Variants in TTC7A observed in about 807,000 individuals in gnomAD.
TTC7A encodes the protein tetratricopeptide repeat protein 7A.
Under a neutral mutation model 103.7 loss-of-function variants are expected in TTC7A, and 110 were observed. The ratio of observed to expected loss-of-function variants is 1.06; its 90% CI spans 0.91 to 1.24. The LOEUF is 1.24. Among genes scored for constraint, TTC7A ranks in the 50% most tolerant of loss-of-function variants. TTC7A has a pLI of 0.00. For synonymous variants in TTC7A, 521 were observed against 467.9 expected (o/e 1.11, Z -1.47); for missense variants, 1,340 against 1,116.3 (o/e 1.20, Z -2.86).
chr2:46,942,247 G>A (rs781093132), intron 1 of TTC7A, among the ~76,000 whole-genome samples: 2 of 152,142 alleles, frequency 1.3e-5, no homozygotes, highest in African/African-American at 2.4e-5. Context: ...TGGCGATCTC[G>A]GGACACATCC....
At chr2:46,926,332 G>A (rs1669382263) in intron 2 of TTC7A, among the ~76,000 whole-genome samples, 1 of 152,180 alleles carries the variant, frequency 6.6e-6, no homozygotes, top group Non-Finnish European at 1.5e-5. Flanking sequence ...ATCGGAGTAA[G>A]TGATGCTCCC....
At chr2:46,959,072 G>A (rs1488043967) in intron 3 of TTC7A, among the ~76,000 whole-genome samples, 1 of 152,226 alleles carries the variant, frequency 6.6e-6, no homozygotes, top group Non-Finnish European at 1.5e-5. Context: ...GATCTCACAG[G>A]AAGTGGCAGA....
intron 1 of TTC7A, among the ~76,000 whole-genome samples, chr2:46,946,623 T>C (rs899422172): frequency 1.3e-5 from 2 of 152,134 alleles, no homozygotes; most frequent in South Asian, 2.1e-4. Context: ...AGTCTCACTA[T>C]GTTGACCAGG....
chr2:47,005,590 G>A (rs949647268), intron 8 of TTC7A, among the ~76,000 whole-genome samples: 12 of 152,002 alleles, frequency 7.9e-5, no homozygotes, highest in Non-Finnish European at 1.5e-4. Context: ...ATAGAGAGAG[G>A]AACATTGAGG....
At chr2:47,032,395 T>C (rs1572970265) in intron 15 of TTC7A, among the ~76,000 whole-genome samples, 1 of 152,170 alleles carries the variant, frequency 6.6e-6, no homozygotes, top group Non-Finnish European at 1.5e-5. Context: ...AGGAGCTTCC[T>C]GGAGAGCAGT....
rs575062262 is a variant in TTC7A, at chr2:46,941,394, CGCCGCCCGGGCCCCCGCT to C, written c.-133_-116del. 51,728 of 710,522 alleles carry C rather than the reference CGCCGCCCGGGCCCCCGCT, an allele frequency of 0.073. 2,239 individuals are homozygous for C. Among genetic ancestry groups the C allele is most frequent in the African/African-American group, 0.1 (5,429 of 53,402 alleles). 44.0% of individuals were successfully genotyped at this position (710,522 alleles called of 1,614,324 possible). A position where few individuals can be genotyped will look rare whatever the true frequency, so the allele number is the denominator to read the frequency against. On this transcript the variant is annotated 5_prime_UTR_variant, in exon 1 of 20. Coordinates refer to ENST00000319190, the MANE Select transcript of TTC7A (RefSeq NM_020458.4). This position sits in a 1 kb window ranked among gnomAD's most constrained non-coding sequence, Gnocchi z 4.2. ...GCTGCTGCTGCTGCTGCCCACCCTC[CGCCGCCCGGGCCCCCGCT>C]GCCGCCCGGGCCCCGGCTGCCGTCT...
At chr2:47,038,629 T>TG (rs1681394197) in intron 15 of TTC7A, among the ~76,000 whole-genome samples, 2 of 86,940 alleles carry the variant, frequency 2.3e-5, no homozygotes, top group African/African-American at 4.5e-5. Flanking sequence ...TGCTGCCACT[T>TG]CCCACCCACC....
intron 5 of TTC7A, among the ~76,000 whole-genome samples, chr2:46,992,611 G>A (rs2104376057): frequency 6.6e-6 from 1 of 152,338 alleles, no homozygotes; most frequent in South Asian, 2.1e-4. Flanking sequence ...GAGCCCTGGG[G>A]CCACTGTAGG....
At chr2:46,957,651 TG>T (rs1371337038) in intron 3 of TTC7A, among the ~76,000 whole-genome samples, 1 of 152,170 alleles carries the variant, frequency 6.6e-6, no homozygotes, top group Non-Finnish European at 1.5e-5. Context: ...ATGAGGGGGC[TG>T]TGGACAGCCC....
intron 19 of TTC7A, among the ~76,000 whole-genome samples, chr2:47,072,607 G>C (rs1484183032): frequency 6.6e-6 from 1 of 152,228 alleles, no homozygotes; most frequent in Middle Eastern, 3.2e-3. Flanking sequence ...GGGCACCGGA[G>C]AGGGGGCTCC....
chr2:46,925,924 C>A (rs974258157), intron 2 of TTC7A, among the ~76,000 whole-genome samples: 2 of 152,208 alleles, frequency 1.3e-5, no homozygotes, highest in Admixed American at 1.3e-4. Flanking sequence ...TACAACAGTG[C>A]CACCCAGGTG....
At position 46,995,221 on chromosome 2, in the gene TTC7A, A is replaced by AG. The variant is rs766824975; in HGVS notation, c.1065+26dup. 1.4e-5 allele frequency: 23 copies of AG among 1,613,100 alleles called. No homozygotes were observed. In the East Asian group the frequency reaches 5.1e-4, roughly 36 times the overall value. On this transcript the variant is annotated intron_variant, in intron 8 of 19. Coordinates refer to ENST00000319190, the MANE Select transcript of TTC7A (RefSeq NM_020458.4). ...CATGGTAAGCTCCAGGATGTCCTTC[A>AG]GGGGCCTCTGGCCCTCTGACCCTGT... is the stretch of plus-strand genomic sequence containing the variant.
chr2:47,011,102 A>G (rs1302631638), intron 10 of TTC7A, among the ~76,000 whole-genome samples: 1 of 152,154 alleles, frequency 6.6e-6, no homozygotes, highest in Non-Finnish European at 1.5e-5. Context: ...TCATCATGTT[A>G]CCTAAAGAGC....
At chr2:47,029,579 G>A (rs1680298562) in intron 15 of TTC7A, among the ~76,000 whole-genome samples, 195 bp downstream of exon 15, 1 of 152,208 alleles carries the variant, frequency 6.6e-6, no homozygotes, top group Admixed American at 6.5e-5. Flanking sequence ...TGCACCAGGA[G>A]GTGCCTGGTG....
At chr2:46,947,993 G>A (rs1671076000) in intron 1 of TTC7A, among the ~76,000 whole-genome samples, 1 of 152,230 alleles carries the variant, frequency 6.6e-6, no homozygotes. Flanking sequence ...TGGGGAGGAA[G>A]CTGGTTTCTC....
chr2:46,955,521 A>C (rs1558505134), intron 2 of TTC7A, among the ~76,000 whole-genome samples: 1 of 152,192 alleles, frequency 6.6e-6, no homozygotes, highest in Non-Finnish European at 1.5e-5. Context: ...TTTCAGGAGA[A>C]GGTGGGCCTG....
At chr2:46,918,255 C>G (rs1668917482) in intron 2 of TTC7A, among the ~76,000 whole-genome samples, 1 of 152,176 alleles carries the variant, frequency 6.6e-6, no homozygotes, top group African/African-American at 2.4e-5. Context: ...AGCTAAAATT[C>G]TACGAGCTGT....
intron 15 of TTC7A, among the ~76,000 whole-genome samples, chr2:47,039,428 A>AG (rs2104657159): frequency 6.6e-6 from 1 of 152,286 alleles, no homozygotes; most frequent in East Asian, 1.9e-4. Context: ...GCAGCCAGGG[A>AG]GGGGACACAG....
At chr2:47,016,204 C>T (rs4953441) in intron 11 of TTC7A, among the ~76,000 whole-genome samples, 72,723 of 152,076 alleles carry the variant, frequency 0.48, 17,873 homozygotes, top group East Asian at 0.77. Context: ...AGGAAATTTT[C>T]CCTTACTTAT....
Sources: allele counts gnomAD v4.1 joint callset (sites outside exome capture counted in the v4.1 genomes callset), GRCh38; gene constraint gnomAD v4.1.1; non-coding constraint Gnocchi (gnomAD v3.1); transcripts MANE v1.5; gene names NCBI Gene and HGNC (gene_info 2026-07-23, HGNC 2026-07-21).